ARSB: variants seen among roughly 807,000 people sequenced by gnomAD.
ARSB encodes the protein N-acetylgalactosamine-4-sulfatase.
A neutral mutation model predicts 50.9 loss-of-function variants in ARSB; 41 were observed. That is an observed-to-expected ratio of 0.81 (90% CI 0.63 to 1.04). The LOEUF is 1.04. Among genes scored for constraint, ARSB ranks in the 50% least tolerant of loss-of-function variants. The pLI, the probability that ARSB is intolerant of heterozygous loss-of-function variation, is 0.00. For missense variants in ARSB, 672 were observed against 693.3 expected, an observed-to-expected ratio of 0.97 and a Z score of 0.35; for synonymous variants, 269 against 284.8, an observed-to-expected ratio of 0.94 and a Z score of 0.56.
intron 4 of ARSB, among the ~76,000 whole-genome samples, chr5:78,936,611 A>G (rs952754871): frequency 2.6e-5 from 4 of 152,154 alleles, no homozygotes; most frequent in African/African-American, 9.7e-5. Flanking sequence ...CACTTACCTC[A>G]AGAGATTTCT....
intron 6 of ARSB, among the ~76,000 whole-genome samples, chr5:78,830,675 C>T (rs1160965293): frequency 2.6e-5 from 4 of 152,106 alleles, no homozygotes; most frequent in Non-Finnish European, 4.4e-5. Context: ...CCTTTGGCAT[C>T]AAAAAGGCCA....
At chr5:78,785,695 GT>G in intron 6 of ARSB, among the ~76,000 whole-genome samples, 1 of 152,300 alleles carries the variant, frequency 6.6e-6, no homozygotes. Context: ...CAGGATAATG[GT>G]TCCTCAAAAT....
chr5:78,939,199 A>AC (rs1750777889), intron 4 of ARSB, among the ~76,000 whole-genome samples: 3 of 152,158 alleles, frequency 2.0e-5, no homozygotes. Context: ...AACATCCTGA[A>AC]AACTGGCAGA....
chr5:78,840,566 T>G (rs180964275), intron 5 of ARSB, among the ~76,000 whole-genome samples: 302 of 152,282 alleles, frequency 2.0e-3, no homozygotes, highest in Non-Finnish European at 3.7e-3. Flanking sequence ...TCAACTACCA[T>G]CACCATTATT....
chr5:78,904,793 A>G (rs337857), intron 4 of ARSB, among the ~76,000 whole-genome samples: 91,074 of 150,822 alleles, frequency 0.6, 28,753 homozygotes, highest in East Asian at 0.98. Flanking sequence ...GGTTCAAGCA[A>G]TTCTCCTGCC....
chr5:78,821,133 T>TTTTA (rs762474309), intron 6 of ARSB, among the ~76,000 whole-genome samples: 14 of 152,232 alleles, frequency 9.2e-5, no homozygotes, highest in Non-Finnish European at 1.8e-4. Flanking sequence ...CTTTGTTTTG[T>TTTTA]TTTATTTATT....
At chr5:78,953,609 T>G (rs993905807) in intron 4 of ARSB, among the ~76,000 whole-genome samples, 1 of 152,136 alleles carries the variant, frequency 6.6e-6, no homozygotes, top group Non-Finnish European at 1.5e-5. Flanking sequence ...AATGAATTCC[T>G]CAACATGTCA....
rs1747164921 is a variant in ARSB at position 78,871,378 on chromosome 5, A to G, written c.1142+14206T>C. Among the ~76,000 whole-genome samples the G allele has an allele frequency of 2.0e-5, 3 of 151,736 alleles. 1 individual carries two copies. In the South Asian group the frequency reaches 6.2e-4, roughly 32 times the overall value. ...GCCAAGTCAATCCTAAGCCAAAAGAACAAAGCTGGAGGCATCACACTACCT... is the reference window on the plus strand; with the variant it reads ...GCCAAGTCAATCCTAAGCCAAAAGAGCAAAGCTGGAGGCATCACACTACCT... On this transcript the variant is annotated intron_variant, in intron 5 of 7. Transcript: ENST00000264914.
At chr5:78,927,366 C>G (rs1294522241) in intron 4 of ARSB, among the ~76,000 whole-genome samples, 1 of 152,136 alleles carries the variant, frequency 6.6e-6, no homozygotes, top group African/African-American at 2.4e-5. Context: ...CCATGTATGA[C>G]TAGTGGCTAC....
intron 6 of ARSB, among the ~76,000 whole-genome samples, chr5:78,800,336 A>AAGC (rs57239906): frequency 0.25 from 36,125 of 143,426 alleles, 5,473 homozygotes; most frequent in African/African-American, 0.42. Flanking sequence ...AAAAAAAAAA[A>AAGC]AGCAGCAGCA....
chr5:78,882,747 G>C (rs1747810806), intron 5 of ARSB: 1 of 145,848 alleles, frequency 6.9e-6, no homozygotes, highest in African/African-American at 2.5e-5. Flanking sequence ...AATGTTTATA[G>C]TAGTTGTTTC....
intron 4 of ARSB, among the ~76,000 whole-genome samples, chr5:78,916,208 G>A (rs537883956): frequency 6.6e-6 from 1 of 152,236 alleles, no homozygotes; most frequent in South Asian, 2.1e-4. Flanking sequence ...CTCTCAGCAG[G>A]CGGTCTATGA....
chr5:78,852,722 A>G (rs1723525900), intron 5 of ARSB, among the ~76,000 whole-genome samples: 1 of 152,086 alleles, frequency 6.6e-6, no homozygotes, highest in Admixed American at 6.6e-5. Context: ...GTCTTTTCAC[A>G]TAGTCCCATA....
chr5:78,865,817 A>C (rs1471158459), intron 5 of ARSB, among the ~76,000 whole-genome samples: 2 of 152,180 alleles, frequency 1.3e-5, no homozygotes, highest in Non-Finnish European at 2.9e-5. Context: ...GGCAGGGGCA[A>C]AATGTCACCA....
rs554221178 is a variant in ARSB, at chr5:78,778,422, T to C, written c.*1975A>G. 1 of 152,220 alleles carries C rather than the reference T, an allele frequency of 6.6e-6. No individual in the cohort carries two copies. The allele number at this position is 152,220 out of a possible 1,614,324, so 9.4% of individuals were successfully genotyped here. A position where few individuals can be genotyped will look rare whatever the true frequency, so the allele number is the denominator to read the frequency against. Reference sequence around the variant, plus strand: ...TGACTATACAAGGACTTATATCAGATTATTTGTTGCTTTTAGTTTCTAGTG... The same window carrying C: ...TGACTATACAAGGACTTATATCAGACTATTTGTTGCTTTTAGTTTCTAGTG... On this transcript the variant is annotated 3_prime_UTR_variant, in exon 8 of 8. Coordinates refer to ENST00000264914, the MANE Select transcript of ARSB (RefSeq NM_000046.5).
At chr5:78,899,190 A>G (rs1399580031) in intron 4 of ARSB, among the ~76,000 whole-genome samples, 1 of 152,190 alleles carries the variant, frequency 6.6e-6, no homozygotes, top group African/African-American at 2.4e-5. Flanking sequence ...CACATGAATT[A>G]GAGCTACTTT....
Position 78,910,276 on chromosome 5 carries a change from C to G in ARSB, c.899-24449G>C, listed in dbSNP as rs188604792. ...CTGGGCCCGCTGTTCTTTCTCTATACTTTGTCTCTGTGTCTTATTTCTTTT... is the reference window on the plus strand; with the variant it reads ...CTGGGCCCGCTGTTCTTTCTCTATAGTTTGTCTCTGTGTCTTATTTCTTTT... On this transcript the variant is annotated intron_variant, in intron 4 of 7. Transcript: ENST00000264914. 4.5e-3 allele frequency among the ~76,000 whole-genome samples: 690 copies of G among 152,364 alleles called. 3 individuals are homozygous for G. The highest frequency in any genetic ancestry group is 0.016 in the African/African-American group (662 of 41,582).
chr5:78,928,619 T>G (rs1000292445), intron 4 of ARSB, among the ~76,000 whole-genome samples: 2 of 152,048 alleles, frequency 1.3e-5, no homozygotes, highest in African/African-American at 4.8e-5. Flanking sequence ...CCCGGCTGCT[T>G]TTGCTATTTT....
Position 78,943,010 on chromosome 5 carries a change from A to G in ARSB, c.898+12285T>C, listed in dbSNP as rs551975928. On this transcript the variant is annotated intron_variant, in intron 4 of 7. Coordinates refer to ENST00000264914, the MANE Select transcript of ARSB (RefSeq NM_000046.5). ...TTAGGAGAGTTAGCTCTTCTTGTTG[A>G]ATTGATCCCTTTACCATTATGTAAT... is the stretch of plus-strand genomic sequence containing the variant. Among the ~76,000 whole-genome samples, 5 of 152,242 alleles carry G rather than the reference A, an allele frequency of 3.3e-5. No individual in the cohort carries two copies. In the East Asian group the frequency reaches 9.6e-4, roughly 29 times the overall value.
Sources: gnomAD v4.1 joint callset for allele counts (sites outside exome capture counted in the v4.1 genomes callset) on GRCh38, gnomAD v4.1.1 for gene constraint, MANE v1.5 for transcripts, NCBI Gene and HGNC (gene_info 2026-07-23, HGNC 2026-07-21) for gene names.